The following TEX9 variants were observed in gnomAD, a reference collection of about 807,000 sequenced individuals.
TEX9 encodes testis-expressed protein 9.
In TEX9, 74 loss-of-function variants were observed where a neutral mutation model predicts 59.6. The observed-to-expected ratio is 1.24, with a 90% CI of 1.03 to 1.51. The LOEUF (loss-of-function observed/expected upper bound fraction) is 1.51, where lower values mean the gene tolerates loss of function less well. Ranked by LOEUF, TEX9 falls within the 40% of genes most tolerant of loss-of-function variation. TEX9 has a pLI of 0.00. For missense variants in TEX9, 522 were observed against 447.8 expected (o/e 1.17, Z -1.49); for synonymous variants, 186 against 152.2 (o/e 1.22, Z -1.64).
intron 1 of TEX9, among the ~76,000 whole-genome samples, chr15:56,306,355 GA>G (rs1157807805): frequency 3.3e-5 from 5 of 151,176 alleles, no homozygotes; most frequent in African/African-American, 1.2e-4. Flanking sequence ...TGATTTGGGA[GA>G]AACCTAAGTG....
At chr15:56,367,494 A>G (rs1362305358) in intron 2 of TEX9, among the ~76,000 whole-genome samples, 4 of 152,218 alleles carry the variant, frequency 2.6e-5, no homozygotes. Flanking sequence ...GAAAGGATAG[A>G]CTAAGGAAGA....
At chr15:56,338,190 C>T (rs1239616518) in intron 1 of TEX9, among the ~76,000 whole-genome samples, 1 of 152,194 alleles carries the variant, frequency 6.6e-6, no homozygotes, top group Non-Finnish European at 1.5e-5. Context: ...AGCCTCTAGG[C>T]CTGCAGAGCC....
chr15:56,427,734 C>CAA lies in TEX9; in HGVS notation c.1096_1097dup (p.Met367ArgfsTer18), dbSNP rs777518056. The CAA allele has an allele frequency of 4.3e-5, 63 of 1,476,122 alleles. 1 individual carries two copies. Among genetic ancestry groups the CAA allele is most frequent in the South Asian group, 2.0e-4 (14 of 70,222 alleles). The allele number at this position is 1,476,122 out of a possible 1,614,324, so 91.4% of individuals were successfully genotyped here. A position where few individuals can be genotyped will look rare whatever the true frequency, so the allele number is the denominator to read the frequency against. ...AAAATTAATTGATGTTTTAAAAAGG[C>CAA]AAAAGGTGAGTCTATCATTAAAGTT... On this transcript the variant is annotated frameshift_variant, in exon 11 of 13. Coordinates refer to ENST00000352903, the Ensembl canonical transcript of TEX9. LOFTEE classifies it high-confidence loss of function.
intron 1 of TEX9, among the ~76,000 whole-genome samples, chr15:56,282,334 A>C (rs79493699): frequency 0.044 from 6,694 of 152,284 alleles, 226 homozygotes; most frequent in Admixed American, 0.087. Flanking sequence ...GAATAGAAGT[A>C]AACAGTCACC....
chr15:56,403,791 C>T (rs929709353), intron 9 of TEX9, among the ~76,000 whole-genome samples: 1 of 152,124 alleles, frequency 6.6e-6, no homozygotes, highest in Non-Finnish European at 1.5e-5. Context: ...GAGATATAGA[C>T]CAATGGAACA....
At position 56,312,319 on chromosome 15, in the gene TEX9, G is replaced by C. The variant is rs2045641416; in HGVS notation, c.-106-61122G>C. On this transcript the variant is annotated intron_variant, in intron 1 of 5. Coordinates refer to the TEX9 transcript ENST00000560827. ...TTTAATCCATCTTGAATTAATTTTT[G>C]GATAAGGTGTAAGGAAGGGATCCAG... 1.5e-5 allele frequency among the ~76,000 whole-genome samples: 2 copies of C among 135,586 alleles called. 1 individual carries two copies. Among genetic ancestry groups the C allele is most frequent in the South Asian group, 4.9e-4 (2 of 4,084 alleles). The allele number at this position is 135,586 out of a possible 152,430, so 88.9% of individuals were successfully genotyped here.
chr15:56,429,137 T>A, intron 12 of TEX9: 3 of 1,602,936 alleles, frequency 1.9e-6, no homozygotes, highest in Non-Finnish European at 2.6e-6. Flanking sequence ...TTTGTTGATA[T>A]ACTTTCCTGA....
chr15:56,385,862 A>G (rs558859885), intron 4 of TEX9, among the ~76,000 whole-genome samples: 27 of 152,252 alleles, frequency 1.8e-4, no homozygotes, highest in African/African-American at 6.3e-4. Flanking sequence ...ACATGGCAGT[A>G]TATTTGGCTC....
chr15:56,440,146 G>A (rs1373382720), intron 12 of TEX9, among the ~76,000 whole-genome samples: 2 of 152,050 alleles, frequency 1.3e-5, no homozygotes, highest in African/African-American at 2.4e-5. Context: ...CACCAAAGAG[G>A]ACAGCAAATA....
At chr15:56,318,233 A>G (rs2045823529) in intron 1 of TEX9, among the ~76,000 whole-genome samples, 1 of 152,010 alleles carries the variant, frequency 6.6e-6, no homozygotes, top group Admixed American at 6.6e-5. Flanking sequence ...TAATGCGTTG[A>G]TCCTTTTATT....
Position 56,415,809 on chromosome 15 carries a change from A to G in TEX9, c.963+3373A>G, listed in dbSNP as rs143027599. ...TGGTAGTTTGATAGGAATAGCATTG[A>G]ATCTGTAAATCGCTTTGGGCAGTAT... On this transcript the variant is annotated intron_variant, in intron 10 of 12. Coordinates refer to ENST00000352903, the Ensembl canonical transcript of TEX9. 1.4e-3 allele frequency among the ~76,000 whole-genome samples: 206 copies of G among 151,954 alleles called. 4 individuals are homozygous for G. Among genetic ancestry groups the G allele is most frequent in the Admixed American group, 8.4e-3 (128 of 15,278 alleles).
At chr15:56,276,146 CT>C (rs1386767657) in intron 1 of TEX9, among the ~76,000 whole-genome samples, 10 of 151,344 alleles carry the variant, frequency 6.6e-5, no homozygotes, top group African/African-American at 2.4e-4. Context: ...CTTCTCTAAA[CT>C]TTTTTTTTAA....
intron 1 of TEX9, among the ~76,000 whole-genome samples, chr15:56,314,805 C>G (rs1464151359): frequency 4.0e-5 from 6 of 151,588 alleles, no homozygotes; most frequent in South Asian, 2.1e-4. Context: ...GTAGGTCACT[C>G]AGGACTTGCT....
intron 1 of TEX9, among the ~76,000 whole-genome samples, chr15:56,257,971 G>T (rs1247740093): frequency 6.6e-6 from 1 of 152,000 alleles, no homozygotes; most frequent in African/African-American, 2.4e-5. Context: ...TTTGTATATG[G>T]TATAAGGAAG....
At chr15:56,251,225 G>A (rs1391362658) in intron 1 of TEX9, among the ~76,000 whole-genome samples, 4 of 152,116 alleles carry the variant, frequency 2.6e-5, no homozygotes, top group Admixed American at 6.5e-5. Context: ...TGTGGCTGAT[G>A]TTAGTATGTT....
chr15:56,457,022 A>C, the TEX9 span, among the ~76,000 whole-genome samples: 3,172 of 152,288 alleles, frequency 0.021, 125 homozygotes, highest in African/African-American at 0.073. Context: ...CAATTGTCTC[A>C]ACATACTTTT....
At chr15:56,261,227 T>C (rs2044257613) in intron 1 of TEX9, among the ~76,000 whole-genome samples, 1 of 152,094 alleles carries the variant, frequency 6.6e-6, no homozygotes, top group Non-Finnish European at 1.5e-5. Flanking sequence ...CATCAATTAT[T>C]GTTTTCATTT....
rs138913598 is a variant in TEX9 at position 56,250,175 on chromosome 15, T to C, written c.-107+5897T>C. Among the ~76,000 whole-genome samples, 405 of 152,328 alleles carry C rather than the reference T, an allele frequency of 2.7e-3. 4 individuals carry two copies. The highest frequency in any genetic ancestry group is 9.3e-3 in the African/African-American group (386 of 41,578). ...GTGACATGTCTTGCACACCCAAATT[T>C]GTACTTGCAAATTTATACTTCCTAG... On this transcript the variant is annotated intron_variant, in intron 1 of 5. Coordinates refer to the TEX9 transcript ENST00000560827.
chr15:56,360,880 A>C (rs752170165), upstream of TEX9, among the ~76,000 whole-genome samples: 6 of 152,132 alleles, frequency 3.9e-5, no homozygotes, highest in Non-Finnish European at 7.4e-5. Flanking sequence ...GCCAATCCTA[A>C]TGGGTTTACT....
Sources: gnomAD v4.1 joint callset for allele counts (sites outside exome capture counted in the v4.1 genomes callset) on GRCh38, gnomAD v4.1.1 for gene constraint, MANE v1.5 for transcripts, NCBI Gene and HGNC (gene_info 2026-07-23, HGNC 2026-07-21) for gene names.